XKR5: variants seen among roughly 807,000 people sequenced by gnomAD.
XKR5 encodes the protein XK related 5, also known as XK-related protein 5.
Under a neutral mutation model 40.8 loss-of-function variants are expected in XKR5, and 46 were observed. That is an observed-to-expected ratio of 1.13 (90% confidence interval 0.89 to 1.44). XKR5 has a LOEUF of 1.44. Ranked by LOEUF, XKR5 falls within the 40% of genes most tolerant of loss-of-function variation. The pLI is 0.00. For missense variants in XKR5, 1,169 were observed against 844.7 expected (o/e 1.38, Z -4.76); for synonymous variants, 466 against 356.1 (o/e 1.31, Z -3.48).
chr8:6,826,173 A>G lies in XKR5; in HGVS notation c.243-824T>C, dbSNP rs145238468. Among the ~76,000 whole-genome samples the G allele has an allele frequency of 2.7e-5, 4 of 150,636 alleles. No individual in the cohort carries two copies. The East Asian group carries it at 7.7e-4, about 29-fold the overall frequency. On this transcript the variant is annotated intron_variant, in intron 2 of 6. Coordinates refer to ENST00000618742, the MANE Select transcript of XKR5 (RefSeq NM_207411.5). ...TATGTATCTGCATGTGCATGTATGC[A>G]TGTGTGTGTGCAAGTGTGCAAAACA...
chr8:6,824,536 T>C (rs1804373717), intron 3 of XKR5, among the ~76,000 whole-genome samples: 1 of 152,088 alleles, frequency 6.6e-6, no homozygotes, highest in South Asian at 2.1e-4. Flanking sequence ...ATTATTATTA[T>C]TATTATTATT....
intron 3 of XKR5, 64 bp from the exon 4 acceptor site, chr8:6,823,794 G>A: frequency 2.9e-6 from 4 of 1,365,634 alleles, no homozygotes; most frequent in Non-Finnish European, 4.1e-6. Context: ...ACCTTGTGAA[G>A]ATTCACTCAT....
chr8:6,812,311 G>C lies in XKR5; in HGVS notation c.948C>G (p.Ser316Arg), dbSNP rs1041073584. ...TGTCTGTGGATTTTGGATGCAGCAG[G>C]CTGTAATAAATTACCAGTGAGACAC... ...IGSVSLVIYY[S>R]LLHPKSTDIW... is the part of the protein sequence containing the mutation. Residue 316 changes from serine (S) to arginine (R), a missense_variant, in exon 7 of 7, where the codon AGC becomes AGG. By Grantham distance (110) the Ser-to-Arg change is moderately radical. Coordinates refer to ENST00000618742, the MANE Select transcript of XKR5 (RefSeq NM_207411.5). 5 of 1,551,274 alleles carry C rather than the reference G, an allele frequency of 3.2e-6. No homozygotes were observed. The African/African-American group carries it at 6.8e-5, about 21-fold the overall frequency.
chr8:6,833,549 T>C (rs1259727935), intron 1 of XKR5, among the ~76,000 whole-genome samples: 1 of 152,204 alleles, frequency 6.6e-6, no homozygotes, highest in African/African-American at 2.4e-5. Flanking sequence ...TGGGCCTCTC[T>C]ACTAAAAATA....
intron 3 of XKR5, among the ~76,000 whole-genome samples, chr8:6,824,912 T>G (rs1418470546): frequency 6.6e-6 from 1 of 152,218 alleles, no homozygotes; most frequent in Non-Finnish European, 1.5e-5. Flanking sequence ...GAGGATAATT[T>G]TGATTATGGG....
intron 5 of XKR5, among the ~76,000 whole-genome samples, chr8:6,817,492 T>C (rs1349058112): frequency 6.6e-6 from 1 of 151,856 alleles, no homozygotes; most frequent in African/African-American, 2.4e-5. Context: ...CACATATGAT[T>C]CCCCTTACCT....
intron 2 of XKR5, among the ~76,000 whole-genome samples, chr8:6,830,371 G>C (rs559096230): frequency 3.9e-5 from 6 of 152,306 alleles, no homozygotes; most frequent in African/African-American, 1.4e-4. Context: ...TGAACCCTAT[G>C]TGCTAGTTTC....
At chr8:6,816,222 GA>G (rs1330562270) in intron 5 of XKR5, among the ~76,000 whole-genome samples, 2 of 152,196 alleles carry the variant, frequency 1.3e-5, no homozygotes, top group Non-Finnish European at 2.9e-5. Flanking sequence ...TATGGGCTGA[GA>G]GGGGACTTTT....
In XKR5 at chr8:6,809,824, A is replaced by G. The variant is rs1180697267; in HGVS notation, c.*1374T>C. ...TGTTTGGAGAGAATAAAAACTACCC[A>G]TTCTGGCTGGGCACGGTGGCTCACG... On this transcript the variant is annotated 3_prime_UTR_variant, in exon 7 of 7. Transcript: ENST00000618742. The G allele has an allele frequency of 6.6e-6, 1 of 151,964 alleles. No individual in the cohort carries two copies. The highest frequency in any genetic ancestry group is 1.5e-5 in the Non-Finnish European group (1 of 68,010). 9.4% of individuals were successfully genotyped at this position (151,964 alleles called of 1,614,324 possible). A position where few individuals can be genotyped will look rare whatever the true frequency, so the allele number is the denominator to read the frequency against.
At chr8:6,824,243 G>T (rs2117102677) in intron 3 of XKR5, among the ~76,000 whole-genome samples, 1 of 151,682 alleles carries the variant, frequency 6.6e-6, no homozygotes, top group Non-Finnish European at 1.5e-5. Flanking sequence ...CATTTAATTT[G>T]TGCATATGCA....
chr8:6,825,401 A>C (rs1465402223), intron 2 of XKR5, 52 bp from the exon 3 acceptor site: 2 of 1,456,548 alleles, frequency 1.4e-6, no homozygotes, highest in Non-Finnish European at 1.8e-6. Context: ...GGCGAGATTC[A>C]ATAGGACGAG....
At chr8:6,821,290 G>A (rs1247097027) in intron 5 of XKR5, among the ~76,000 whole-genome samples, 1 of 152,222 alleles carries the variant, frequency 6.6e-6, no homozygotes, top group Non-Finnish European at 1.5e-5. Flanking sequence ...GACGAGAGGT[G>A]ATGCTGGCAG....
intron 2 of XKR5, among the ~76,000 whole-genome samples, chr8:6,826,659 G>C (rs1804498244): frequency 2.0e-5 from 3 of 152,198 alleles, no homozygotes; most frequent in Admixed American, 6.5e-5. Flanking sequence ...AGGATGGGTG[G>C]AGCCCCCATA....
At chr8:6,826,135 T>TTG (rs202049620) in intron 2 of XKR5, among the ~76,000 whole-genome samples, 1 of 152,028 alleles carries the variant, frequency 6.6e-6, no homozygotes, top group South Asian at 2.1e-4. Context: ...GTACATGTGC[T>TTG]TGTGTGTGTG....
rs1174838156 is a variant in XKR5, at chr8:6,810,374, C to T, written c.*824G>A. On this transcript the variant is annotated 3_prime_UTR_variant, in exon 7 of 7. Transcript: ENST00000618742. ...GGCTTAAATCATGGATAGTGTCTCA[C>T]ATTGAATGGAAGTGGGAACAAAGCT... The T allele has an allele frequency of 6.6e-6, 1 of 152,208 alleles. No individual in the cohort carries two copies. Among genetic ancestry groups the T allele is most frequent in the Non-Finnish European group, 1.5e-5 (1 of 68,048 alleles). 9.4% of individuals were successfully genotyped at this position (152,208 alleles called of 1,614,324 possible).
chr8:6,821,881 G>C lies in XKR5; in HGVS notation c.795C>G (p.Val265=), dbSNP rs752062421. ...AAGTGCCACTTGCCATGTAGAACGT[G>C]ACCATCCTATTTCTAGAAGGGCTGT... is the stretch of plus-strand genomic sequence containing the variant. The part of the protein sequence containing the change: ...FWDSPSRNRM[V]TFYMVMLLEN... The change falls in exon 5 of 7, where the codon GTC becomes GTG. Residue 265 remains valine, a synonymous_variant. Coordinates refer to ENST00000618742, the MANE Select transcript of XKR5 (RefSeq NM_207411.5). 1.2e-6 allele frequency: 2 copies of C among 1,613,308 alleles called. No individual in the cohort carries two copies. The highest frequency in any genetic ancestry group is 1.7e-5 in the Admixed American group (1 of 59,906).
At chr8:6,821,778 G>GCACA in intron 5 of XKR5, 91 bp downstream of exon 5, 1 of 1,131,408 alleles carries the variant, frequency 8.8e-7, no homozygotes, top group Non-Finnish European at 1.2e-6. Flanking sequence ...GTGCATTGGT[G>GCACA]CACACACACA....
intron 5 of XKR5, among the ~76,000 whole-genome samples, chr8:6,816,749 T>C (rs1025995898): frequency 6.8e-6 from 1 of 147,770 alleles, no homozygotes; most frequent in Non-Finnish European, 1.5e-5. Flanking sequence ...ATATATTTAA[T>C]ATATATTTAT....
chr8:6,811,000 T>C lies in XKR5; in HGVS notation c.*198A>G, dbSNP rs1803651801. On this transcript the variant is annotated 3_prime_UTR_variant, in exon 7 of 7. Transcript: ENST00000618742. ...TGTTAGAGTCTCTCCTATGCATGGG[T>C]GGGGTCTGTGATGTTTGCATTGGAC... 7.0e-6 allele frequency: 4 copies of C among 569,466 alleles called. No individual in the cohort carries two copies. The highest frequency in any genetic ancestry group is 1.2e-5 in the Non-Finnish European group (4 of 325,678). The allele number at this position is 569,466 out of a possible 1,614,324, so 35.3% of individuals were successfully genotyped here.
Sources: gnomAD v4.1 joint callset for allele counts (sites outside exome capture counted in the v4.1 genomes callset) on GRCh38, gnomAD v4.1.1 for gene constraint, MANE v1.5 for transcripts, NCBI Gene and HGNC (gene_info 2026-07-23, HGNC 2026-07-21) for gene names.